SDK1: variants seen among roughly 807,000 people sequenced by gnomAD.
SDK1 encodes protein sidekick-1.
SDK1 carries 157 observed loss-of-function variants against 245.5 expected under a neutral mutation model. The observed-to-expected ratio is 0.64, with a 90% CI of 0.56 to 0.73. SDK1 has a LOEUF of 0.73. Among genes scored for constraint, SDK1 ranks in the 30% least tolerant of loss-of-function variants. SDK1 has a pLI of 0.00. For synonymous variants in SDK1, 1,647 were observed against 1,278.5 expected (o/e 1.29, Z -6.15); for missense variants, 3,583 against 3,002.3 (o/e 1.19, Z -4.52).
At chr7:3,591,748 G>A (rs1235971451) in intron 1 of SDK1, among the ~76,000 whole-genome samples, 3 of 152,158 alleles carry the variant, frequency 2.0e-5, no homozygotes, top group African/African-American at 4.8e-5. Context: ...ATGTGCAGAG[G>A]TGTTCATATA....
intron 1 of SDK1, among the ~76,000 whole-genome samples, chr7:3,446,635 A>T (rs1780350091): frequency 6.6e-6 from 1 of 152,188 alleles, no homozygotes; most frequent in East Asian, 1.9e-4. Flanking sequence ...GTGCATTATA[A>T]AATAGCATTT....
Position 3,810,461 on chromosome 7 carries a change from A to C in SDK1, c.714-10989A>C, listed in dbSNP as rs192450733. Among the ~76,000 whole-genome samples, 185 of 152,300 alleles carry C rather than the reference A, an allele frequency of 1.2e-3. 1 individual carries two copies. The highest frequency in any genetic ancestry group is 4.3e-3 in the African/African-American group (180 of 41,562). On this transcript the variant is annotated intron_variant, in intron 4 of 44. Transcript: ENST00000404826. ...TTCCTCTGCATATGACCACACCAGG[A>C]ATTTGGCATAGCCATTTATTTGTAC...
At chr7:3,466,980 A>T (rs58087659) in intron 1 of SDK1, among the ~76,000 whole-genome samples, 1 of 9,720 alleles carries the variant, frequency 1.0e-4, no homozygotes, top group Non-Finnish European at 2.2e-4. Context: ...CTCTCTCTCT[A>T]CACACACACA....
At chr7:3,829,547 G>C (rs1389374652) in intron 5 of SDK1, among the ~76,000 whole-genome samples, 2 of 152,192 alleles carry the variant, frequency 1.3e-5, no homozygotes, top group Non-Finnish European at 2.9e-5. Context: ...GAGGATTCAA[G>C]CCAAAGTTTA....
intron 1 of SDK1, among the ~76,000 whole-genome samples, chr7:3,390,104 A>G (rs897014961): frequency 6.6e-6 from 1 of 152,070 alleles, no homozygotes; most frequent in African/African-American, 2.4e-5. Flanking sequence ...TTAGGAGGAG[A>G]TTTCCAAGCA....
chr7:4,085,724 T>C (rs1781384955), intron 22 of SDK1, among the ~76,000 whole-genome samples: 1 of 152,054 alleles, frequency 6.6e-6, no homozygotes, highest in African/African-American at 2.4e-5. Context: ...CTGGCTAATT[T>C]TTGTATTTTT....
chr7:3,392,688 A>ATG (rs1781788349), intron 1 of SDK1, among the ~76,000 whole-genome samples: 1 of 152,132 alleles, frequency 6.6e-6, no homozygotes, highest in Admixed American at 6.6e-5. Flanking sequence ...CTAGGTATTT[A>ATG]TGTAAAATCA....
intron 5 of SDK1, among the ~76,000 whole-genome samples, chr7:3,929,799 C>A (rs1041348804): frequency 6.6e-6 from 1 of 151,730 alleles, no homozygotes; most frequent in African/African-American, 2.4e-5. Flanking sequence ...GCTGGTTTTG[C>A]GTTGATAGAA....
At chr7:3,694,625 T>G (rs1387960635) in intron 4 of SDK1, among the ~76,000 whole-genome samples, 1 of 152,070 alleles carries the variant, frequency 6.6e-6, no homozygotes. Flanking sequence ...ATCCAGTGGA[T>G]GTTCTAAGAC....
chr7:4,237,760 A>G lies in SDK1; in HGVS notation c.6106A>G (p.Lys2036Glu). The G allele has an allele frequency of 6.2e-7, 1 of 1,614,122 alleles. No individual in the cohort carries two copies. Residue 2036 changes from lysine (K) to glutamate (E), a missense_variant, in exon 42 of 45, where the codon AAG becomes GAG. Physicochemically the swap from Lys to Glu is moderately conservative, Grantham distance 56 (BLOSUM62 1). Transcript: ENST00000404826. The part of the protein sequence containing the change: ...VFALVLHGQN[K>E]KYKNCSTGKG... ...CGCCCTCGTCCTGCACGGGCAGAAT[A>G]AGAAGTATAAGAACTGCAGCACAGG...
At chr7:3,451,681 G>C (rs976668951) in intron 1 of SDK1, among the ~76,000 whole-genome samples, 3 of 152,190 alleles carry the variant, frequency 2.0e-5, no homozygotes, top group Admixed American at 6.5e-5. Flanking sequence ...GCCAATATTT[G>C]ATTAACAATA....
At chr7:4,260,273 G>A (rs934651434) in intron 44 of SDK1, among the ~76,000 whole-genome samples, 5 of 142,678 alleles carry the variant, frequency 3.5e-5, no homozygotes, top group Admixed American at 7.0e-5. Flanking sequence ...GCTGCTCCAG[G>A]GCCTCGGTGT....
chr7:3,485,310 A>G (rs1235269890), intron 1 of SDK1, among the ~76,000 whole-genome samples: 1 of 152,120 alleles, frequency 6.6e-6, no homozygotes, highest in Non-Finnish European at 1.5e-5. Flanking sequence ...TCTTTTGAGA[A>G]ATGTCTCTTC....
chr7:3,491,022 C>G (rs886251043), intron 1 of SDK1, among the ~76,000 whole-genome samples: 3 of 152,222 alleles, frequency 2.0e-5, no homozygotes, highest in South Asian at 2.1e-4. Flanking sequence ...GCCATGTGCC[C>G]TGTGCACATT....
chr7:3,910,845 C>G (rs1477968662), intron 5 of SDK1, among the ~76,000 whole-genome samples: 1 of 152,174 alleles, frequency 6.6e-6, no homozygotes, highest in African/African-American at 2.4e-5. Context: ...GTTAAATCCC[C>G]AGTTAGTCCG....
At chr7:3,891,396 C>A (rs1420493247) in intron 5 of SDK1, among the ~76,000 whole-genome samples, 1 of 152,186 alleles carries the variant, frequency 6.6e-6, no homozygotes, top group African/African-American at 2.4e-5. Flanking sequence ...TCCTTCATGG[C>A]TGAGCAGATT....
At chr7:3,953,351 A>G (rs1011156919) in intron 7 of SDK1, among the ~76,000 whole-genome samples, 4 of 152,206 alleles carry the variant, frequency 2.6e-5, no homozygotes, top group African/African-American at 4.8e-5. Flanking sequence ...GAAAGAAGCG[A>G]AAGTCTGTTA....
At chr7:3,414,491 T>C (rs1779307475) in intron 1 of SDK1, among the ~76,000 whole-genome samples, 1 of 152,192 alleles carries the variant, frequency 6.6e-6, no homozygotes, top group South Asian at 2.1e-4. Flanking sequence ...AGTTTTTTTC[T>C]TTTACATGAA....
chr7:4,238,682 A>G (rs1344085729), intron 42 of SDK1, among the ~76,000 whole-genome samples: 2 of 150,990 alleles, frequency 1.3e-5, no homozygotes, highest in Non-Finnish European at 2.9e-5. Flanking sequence ...CCCAGTAGCT[A>G]GGATTACAGG....
Sources: allele counts gnomAD v4.1 joint callset (sites outside exome capture counted in the v4.1 genomes callset), GRCh38; gene constraint gnomAD v4.1.1; transcripts MANE v1.5; gene names NCBI Gene and HGNC (gene_info 2026-07-23, HGNC 2026-07-21).